The following IQCH variants were observed in gnomAD, a reference collection of about 807,000 sequenced individuals.
IQCH encodes IQ motif containing H, also known as IQ domain-containing protein H.
A neutral mutation model predicts 117.0 loss-of-function variants in IQCH; 98 were observed. That is an observed-to-expected ratio of 0.84 (90% CI 0.71 to 0.99). The LOEUF (loss-of-function observed/expected upper bound fraction) is 0.99. Among genes scored for constraint, IQCH ranks in the 50% least tolerant of loss-of-function variants. The pLI, the probability that IQCH is intolerant of heterozygous loss-of-function variation, is 0.00. For missense variants in IQCH, 1,102 were observed against 1,243.8 expected, an observed-to-expected ratio of 0.89 and a Z score of 1.72; for synonymous variants, 412 against 448.2, an observed-to-expected ratio of 0.92 and a Z score of 1.02.
intron 16 of IQCH, among the ~76,000 whole-genome samples, chr15:67,448,896 CCTGA>C (rs1274688343): frequency 3.3e-5 from 5 of 152,104 alleles, no homozygotes; most frequent in Admixed American, 1.3e-4. Flanking sequence ...CCTGTTGTTT[CCTGA>C]CTAATGATCG....
chr15:67,371,687 G>A (rs989584775), intron 8 of IQCH, among the ~76,000 whole-genome samples: 2 of 152,214 alleles, frequency 1.3e-5, no homozygotes, highest in East Asian at 1.9e-4. Context: ...TAAGGAATGC[G>A]AAGAAAGGCT....
chr15:67,428,173 T>C (rs183985670), intron 16 of IQCH, among the ~76,000 whole-genome samples: 52 of 152,218 alleles, frequency 3.4e-4, no homozygotes, highest in Non-Finnish European at 1.3e-4. Flanking sequence ...TTCAATGAAA[T>C]TGCATACTAT....
chr15:67,277,757 T>G (rs1014104019), intron 3 of IQCH, among the ~76,000 whole-genome samples: 2 of 152,024 alleles, frequency 1.3e-5, no homozygotes, highest in Non-Finnish European at 2.9e-5. Flanking sequence ...ATGGTCTCGA[T>G]CTCCTGACCT....
At chr15:67,323,015 A>G (rs556723318) in intron 4 of IQCH, among the ~76,000 whole-genome samples, 1 of 152,292 alleles carries the variant, frequency 6.6e-6, no homozygotes, top group Admixed American at 6.5e-5. Flanking sequence ...AGGAAAGCAC[A>G]CCAAATGGGA....
At chr15:67,428,362 T>C (rs2081940307) in intron 16 of IQCH, among the ~76,000 whole-genome samples, 1 of 152,178 alleles carries the variant, frequency 6.6e-6, no homozygotes, top group Non-Finnish European at 1.5e-5. Context: ...TACAAGTCAT[T>C]ATTTCTGGAC....
intron 4 of IQCH, among the ~76,000 whole-genome samples, chr15:67,326,768 T>C (rs1170961891): frequency 6.6e-6 from 1 of 152,254 alleles, no homozygotes; most frequent in Non-Finnish European, 1.5e-5. Context: ...CAGATGAATA[T>C]ATAAACATAT....
intron 6 of IQCH, among the ~76,000 whole-genome samples, chr15:67,350,231 C>T (rs1969595404): frequency 6.6e-6 from 1 of 151,998 alleles, no homozygotes; most frequent in Non-Finnish European, 1.5e-5. Flanking sequence ...CAGATGAATC[C>T]CAAATGCATT....
In IQCH at chr15:67,501,262, A is replaced by G. The variant is rs923576865; in HGVS notation, c.*516A>G. The G allele has an allele frequency of 6.6e-6, 1 of 152,146 alleles. No homozygotes were observed. The highest frequency in any genetic ancestry group is 6.5e-5 in the Admixed American group (1 of 15,272). 9.4% of individuals were successfully genotyped at this position (152,146 alleles called of 1,614,324 possible). A position where few individuals can be genotyped will look rare whatever the true frequency, so the allele number is the denominator to read the frequency against. ...TATTTATATGAATTTTTAAGTGACTATCATTCATCGTGTTTTTGTTATACC... is the reference window on the plus strand; with the variant it reads ...TATTTATATGAATTTTTAAGTGACTGTCATTCATCGTGTTTTTGTTATACC... On this transcript the variant is annotated 3_prime_UTR_variant, in exon 21 of 21. Transcript: ENST00000335894. This position sits in a 1 kb window ranked among gnomAD's most constrained non-coding sequence, Gnocchi z 5.2.
chr15:67,268,732 C>T (rs909425154), intron 3 of IQCH, among the ~76,000 whole-genome samples: 7 of 152,030 alleles, frequency 4.6e-5, no homozygotes, highest in African/African-American at 1.2e-4. Context: ...CTATTCTGGG[C>T]TGTTCCAGTG....
chr15:67,326,889 T>C (rs1968438474), intron 4 of IQCH, among the ~76,000 whole-genome samples: 1 of 152,230 alleles, frequency 6.6e-6, no homozygotes, highest in Non-Finnish European at 1.5e-5. Context: ...ATTTCAGATT[T>C]TAGTTTACCT....
intron 3 of IQCH, among the ~76,000 whole-genome samples, chr15:67,267,699 G>A (rs1019944729): frequency 1.3e-5 from 2 of 152,188 alleles, no homozygotes; most frequent in Non-Finnish European, 2.9e-5. Flanking sequence ...AATGACTGCA[G>A]ATCTCTGTTT....
At chr15:67,410,031 T>G (rs2081407524) in intron 14 of IQCH, among the ~76,000 whole-genome samples, 1 of 152,230 alleles carries the variant, frequency 6.6e-6, no homozygotes, top group African/African-American at 2.4e-5. Flanking sequence ...AAAGAGGGAC[T>G]ATTTCTAATA....
At chr15:67,277,413 T>C (rs1031627423) in intron 3 of IQCH, among the ~76,000 whole-genome samples, 4 of 152,218 alleles carry the variant, frequency 2.6e-5, no homozygotes, top group African/African-American at 9.6e-5. Context: ...TATCATTGGG[T>C]AATAGCATTT....
intron 18 of IQCH, among the ~76,000 whole-genome samples, chr15:67,489,052 T>G (rs1284301875): frequency 6.6e-6 from 1 of 151,246 alleles, no homozygotes; most frequent in Non-Finnish European, 1.5e-5. Flanking sequence ...TTTTTTTTTT[T>G]AGACGGAGTC....
chr15:67,304,065 G>T (rs1295578445), intron 4 of IQCH, among the ~76,000 whole-genome samples: 1 of 152,052 alleles, frequency 6.6e-6, no homozygotes, highest in Admixed American at 6.6e-5. Context: ...GCCCACCTTG[G>T]TTGGCTTCCA....
In IQCH at chr15:67,404,544, A is replaced by G. The variant is rs752721950; in HGVS notation, c.2097+4239A>G. ...ATTAAAAAAAATTTAAAAGTACATA[A>G]TCACTGTCCCCAAACATAGTTGTTT... On this transcript the variant is annotated intron_variant, in intron 14 of 20. Coordinates refer to ENST00000335894, the MANE Select transcript of IQCH (RefSeq NM_001031715.3). This position sits in a 1 kb window ranked among gnomAD's most constrained non-coding sequence, Gnocchi z 4.6. 2 of 152,180 alleles carry G rather than the reference A, an allele frequency of 1.3e-5. No homozygotes were observed. The highest frequency in any genetic ancestry group is 2.9e-5 in the Non-Finnish European group (2 of 68,032). 9.4% of individuals were successfully genotyped at this position (152,180 alleles called of 1,614,324 possible).
rs2082330339 is a variant in IQCH, at chr15:67,443,591, A to G, written c.2506-21536A>G. Among the ~76,000 whole-genome samples, 1 of 152,162 alleles carries G rather than the reference A, an allele frequency of 6.6e-6. No homozygotes were observed. ...ACTTATGGACTAAAATAAAATAAAT[A>G]AATGCATTATCGTCCTACCTCCCAC... On this transcript the variant is annotated intron_variant, in intron 16 of 20. Transcript: ENST00000335894. This position sits in a 1 kb window ranked among gnomAD's most constrained non-coding sequence, Gnocchi z 5.0.
At position 67,390,623 on chromosome 15, in the gene IQCH, G is replaced by A. The variant is rs1057404512; in HGVS notation, c.1632+1617G>A. 7.9e-5 allele frequency among the ~76,000 whole-genome samples: 12 copies of A among 152,034 alleles called. No individual in the cohort carries two copies. Among genetic ancestry groups the A allele is most frequent in the Non-Finnish European group, 1.6e-4 (11 of 68,000 alleles). ...CCTGCCTCAGCCTCCTGAGTAGCTG[G>A]GATTACAGGTGTGTGCCACCACACC... On this transcript the variant is annotated intron_variant, in intron 12 of 20. Transcript: ENST00000335894. The surrounding 1 kb of genome is among the most constrained non-coding windows in gnomAD (Gnocchi z 5.0).
intron 6 of IQCH, among the ~76,000 whole-genome samples, chr15:67,345,760 C>T (rs1380604142): frequency 1.3e-5 from 2 of 152,068 alleles, no homozygotes; most frequent in Non-Finnish European, 2.9e-5. Flanking sequence ...TGGAAAAGAT[C>T]CTGGAACAGT....
Sources: gnomAD v4.1 joint callset for allele counts (sites outside exome capture counted in the v4.1 genomes callset) on GRCh38, gnomAD v4.1.1 for gene constraint, Gnocchi (gnomAD v3.1) non-coding constraint, MANE v1.5 for transcripts, NCBI Gene and HGNC (gene_info 2026-07-23, HGNC 2026-07-21) for gene names.